MFHAS1: variants seen among roughly 807,000 people sequenced by gnomAD.
MFHAS1 encodes multifunctional ROCO family signaling regulator 1.
Under a neutral mutation model 70.4 loss-of-function variants are expected in MFHAS1, and 50 were observed. The ratio of observed to expected loss-of-function variants is 0.71; its 90% CI spans 0.57 to 0.90. MFHAS1 has a LOEUF of 0.90. Ranked by LOEUF, MFHAS1 falls within the 40% of genes least tolerant of loss-of-function variation. The probability of loss-of-function intolerance (pLI) is 0.00; values close to 1 mark genes in which losing one functional copy is unlikely to be tolerated. For missense variants in MFHAS1, 1,795 were observed against 1,347.6 expected, an observed-to-expected ratio of 1.33 and a Z score of -5.20; for synonymous variants, 952 against 620.0, an observed-to-expected ratio of 1.54 and a Z score of -7.96.
intron 1 of MFHAS1, among the ~76,000 whole-genome samples, chr8:8,874,772 T>C (rs754704301): frequency 2.6e-5 from 4 of 151,878 alleles, no homozygotes; most frequent in Admixed American, 1.3e-4. Flanking sequence ...TGAATGAAAT[T>C]TGAAACTTCA....
chr8:8,889,856 AGAG>A (rs1436115352), intron 1 of MFHAS1, among the ~76,000 whole-genome samples: 5 of 152,210 alleles, frequency 3.3e-5, no homozygotes, highest in Non-Finnish European at 5.9e-5. Context: ...GTCTGTTAGG[AGAG>A]GATGACACTT....
At chr8:8,828,153 C>T (rs1162209819) in intron 1 of MFHAS1, among the ~76,000 whole-genome samples, 2 of 152,186 alleles carry the variant, frequency 1.3e-5, no homozygotes, top group South Asian at 2.1e-4. Flanking sequence ...GTGAATGATG[C>T]TGATGCAAAT....
At chr8:8,852,307 C>T (rs547611226) in intron 1 of MFHAS1, among the ~76,000 whole-genome samples, 13 of 152,242 alleles carry the variant, frequency 8.5e-5, no homozygotes, top group Admixed American at 8.5e-4. Flanking sequence ...AACCTCATCT[C>T]TACTAAAAAT....
At position 8,797,474 on chromosome 8, in the gene MFHAS1, G is replaced by A; in HGVS notation, c.3016C>T (p.Pro1006Ser). The A allele has an allele frequency of 1.2e-6, 2 of 1,613,932 alleles. No individual in the cohort carries two copies. The highest frequency in any genetic ancestry group is 1.3e-5 in the African/African-American group (1 of 75,034). ...HAFPGELLSQ[P>S]RPEGVAEIIC... The stretch of plus-strand genomic sequence containing the variant: ...ATCTCTGCCACTCCTTCCGGTCTGG[G>A]CTGACTCAGCAACTCCCCTGTAGGA... The change falls in exon 2 of 3, where the codon CCC becomes TCC. Residue 1006 changes from proline to serine, a missense_variant. Transcript: ENST00000276282.
chr8:8,884,833 C>A (rs968152840), intron 1 of MFHAS1, among the ~76,000 whole-genome samples: 10 of 151,960 alleles, frequency 6.6e-5, no homozygotes, highest in Non-Finnish European at 1.5e-4. Flanking sequence ...TTCTGGAGTC[C>A]CAGCTACTCA....
intron 1 of MFHAS1, among the ~76,000 whole-genome samples, chr8:8,869,053 T>C (rs1808969789): frequency 6.6e-6 from 1 of 152,138 alleles, no homozygotes; most frequent in Admixed American, 6.6e-5. Context: ...GCAAAGCAGG[T>C]GCAGAGAGGA....
intron 1 of MFHAS1, among the ~76,000 whole-genome samples, chr8:8,863,989 G>T (rs1353059673): frequency 2.6e-5 from 4 of 152,114 alleles, no homozygotes; most frequent in Non-Finnish European, 4.4e-5. Context: ...GCTTCCTGTT[G>T]ACCAACTCCT....
intron 1 of MFHAS1, among the ~76,000 whole-genome samples, chr8:8,830,290 C>A (rs1347118280): frequency 6.6e-6 from 1 of 152,186 alleles, no homozygotes; most frequent in Non-Finnish European, 1.5e-5. Context: ...CTGGTTCTAT[C>A]TATATCAGGA....
intron 1 of MFHAS1, among the ~76,000 whole-genome samples, chr8:8,888,487 C>T (rs1271855657): frequency 2.0e-5 from 3 of 151,544 alleles, no homozygotes; most frequent in Admixed American, 6.6e-5. Context: ...ATGTTGTTAA[C>T]CACCTGCTCC....
intron 2 of MFHAS1, among the ~76,000 whole-genome samples, chr8:8,790,069 T>C (rs1311023482): frequency 6.6e-6 from 1 of 152,210 alleles, no homozygotes; most frequent in Non-Finnish European, 1.5e-5. Flanking sequence ...TTTTCAAAAA[T>C]GACTTCCTTT....
intron 1 of MFHAS1, among the ~76,000 whole-genome samples, chr8:8,825,571 G>C (rs145867650): frequency 1.7e-4 from 26 of 152,282 alleles, no homozygotes; most frequent in African/African-American, 5.3e-4. Context: ...TCCTCTGCTT[G>C]CAGGTGGCTG....
rs1810006456 is a variant in MFHAS1 at position 8,891,156 on chromosome 8, A to G, written c.1903T>C (p.Leu635=). The stretch of plus-strand genomic sequence containing the variant: ...AGCAACTTGTCCCGAAGGCGTCGTA[A>G]GTGGCGCGGGTCCCTGCAGCTAACA... The part of the protein sequence containing the change: ...LPVSCRDPRH[L]RRLRDKLLSV... The change falls in exon 1 of 3, where the codon TTA becomes CTA. Residue 635 remains leucine (L), a synonymous_variant. Transcript: ENST00000276282. This position sits in a 1 kb window ranked among gnomAD's most constrained non-coding sequence, Gnocchi z 5.4. 6.2e-7 allele frequency: 1 copy of G among 1,613,436 alleles called. No homozygotes were observed. The highest frequency in any genetic ancestry group is 8.5e-7 in the Non-Finnish European group (1 of 1,180,024).
chr8:8,889,721 C>T (rs1020369297), intron 1 of MFHAS1, among the ~76,000 whole-genome samples: 1 of 152,198 alleles, frequency 6.6e-6, no homozygotes, highest in Non-Finnish European at 1.5e-5. Context: ...AGGCTAACAT[C>T]GGACACTGTC....
chr8:8,849,204 C>G (rs1417919285), intron 1 of MFHAS1, among the ~76,000 whole-genome samples: 1 of 150,824 alleles, frequency 6.6e-6, no homozygotes, highest in East Asian at 2.0e-4. Flanking sequence ...CCTTAGCCTC[C>G]CGAGTAGCTG....
chr8:8,865,233 T>C (rs894804103), intron 1 of MFHAS1, among the ~76,000 whole-genome samples: 3 of 137,138 alleles, frequency 2.2e-5, no homozygotes, highest in African/African-American at 8.2e-5. Context: ...GCCAAGATTG[T>C]GCCACTGCAC....
chr8:8,856,855 C>T (rs1372686893), intron 1 of MFHAS1, among the ~76,000 whole-genome samples: 1 of 151,962 alleles, frequency 6.6e-6, no homozygotes, highest in Non-Finnish European at 1.5e-5. Context: ...AACCTTGCAG[C>T]CACAGGGCTT....
chr8:8,832,258 A>G (rs1585041156), intron 1 of MFHAS1, among the ~76,000 whole-genome samples: 2 of 152,258 alleles, frequency 1.3e-5, no homozygotes, highest in Non-Finnish European at 2.9e-5. Context: ...TCTTCAAAAG[A>G]CACTTGAAGA....
At chr8:8,819,204 C>T (rs1040167999) in intron 1 of MFHAS1, among the ~76,000 whole-genome samples, 3 of 152,150 alleles carry the variant, frequency 2.0e-5, no homozygotes, top group African/African-American at 7.2e-5. Flanking sequence ...TATTCTACTA[C>T]CATTTTGGGG....
At chr8:8,841,812 G>A (rs1807838061) in intron 1 of MFHAS1, among the ~76,000 whole-genome samples, 1 of 152,156 alleles carries the variant, frequency 6.6e-6, no homozygotes, top group Non-Finnish European at 1.5e-5. Flanking sequence ...TGATCTTCCT[G>A]TTCGTATCCC....
Sources: gnomAD v4.1 joint callset for allele counts (sites outside exome capture counted in the v4.1 genomes callset) on GRCh38, gnomAD v4.1.1 for gene constraint, Gnocchi (gnomAD v3.1) non-coding constraint, MANE v1.5 for transcripts, NCBI Gene and HGNC (gene_info 2026-07-23, HGNC 2026-07-21) for gene names.